Variants in CPAMD8 observed in about 807,000 individuals in gnomAD.
CPAMD8 encodes the protein C3 and PZP-like alpha-2-macroglobulin domain-containing protein 8.
Under a neutral mutation model 224.7 loss-of-function variants are expected in CPAMD8, and 146 were observed. That is an observed-to-expected ratio of 0.65 (90% CI 0.57 to 0.75). CPAMD8 has a LOEUF of 0.75. CPAMD8 is among the 30% of genes least tolerant of loss of function. CPAMD8 has a pLI of 0.00. For missense variants in CPAMD8, 2,301 were observed against 2,537.5 expected (o/e 0.91, Z 2.00); for synonymous variants, 966 against 1,044.6 (o/e 0.92, Z 1.45).
intron 15 of CPAMD8, among the ~76,000 whole-genome samples, chr19:16,976,909 G>T (rs1262693130): frequency 6.6e-6 from 1 of 152,150 alleles, no homozygotes. Context: ...AGACATGGTG[G>T]CACATGCCTG....
intron 25 of CPAMD8, among the ~76,000 whole-genome samples, chr19:16,926,624 C>T (rs982750824): frequency 3.3e-5 from 5 of 152,154 alleles, no homozygotes; most frequent in African/African-American, 1.2e-4. Flanking sequence ...CCCCTTCTTT[C>T]TTTCTTTAGC....
intron 7 of CPAMD8, among the ~76,000 whole-genome samples, chr19:17,007,062 G>C (rs1015032967): frequency 6.6e-6 from 1 of 152,188 alleles, no homozygotes; most frequent in Non-Finnish European, 1.5e-5. Flanking sequence ...GCCAGGCACG[G>C]TGGCTCATGC....
chr19:16,982,803 C>T (rs976818890), intron 13 of CPAMD8, among the ~76,000 whole-genome samples: 5 of 152,154 alleles, frequency 3.3e-5, no homozygotes, highest in Admixed American at 2.6e-4. Flanking sequence ...TGTGCCACCA[C>T]CCTCCAGCCT....
At chr19:17,011,186 G>A (rs1480121523) in intron 5 of CPAMD8, among the ~76,000 whole-genome samples, 1 of 151,998 alleles carries the variant, frequency 6.6e-6, no homozygotes, top group Non-Finnish European at 1.5e-5. Context: ...TAGAGCGAGA[G>A]ACTCGGTCTT....
intron 22 of CPAMD8, among the ~76,000 whole-genome samples, chr19:16,943,021 T>C (rs1440557963): frequency 6.7e-6 from 1 of 150,250 alleles, no homozygotes; most frequent in Non-Finnish European, 1.5e-5. Flanking sequence ...CTTTTTTTTT[T>C]TTTTGAGACA....
chr19:16,997,468 A>G, intron 10 of CPAMD8, 130 bp from the exon 11 acceptor site: 1 of 664,014 alleles, frequency 1.5e-6, no homozygotes, highest in South Asian at 1.7e-5. Context: ...TTGGTGGCAT[A>G]CCCAATCTAT....
chr19:16,997,192 G>A lies in CPAMD8; in HGVS notation c.1014C>T (p.Pro338=), dbSNP rs771180305. 125 of 1,586,112 alleles carry A rather than the reference G, an allele frequency of 7.9e-5. 1 individual carries two copies. Among genetic ancestry groups the A allele is most frequent in the South Asian group, 1.9e-4 (17 of 90,500 alleles). Reference sequence around the variant, plus strand: ...GGATGTCCACCAGCTGCCTCTGCACGGGGGTGGAGTCATCGAACGCGACCT... The same window carrying A: ...GGATGTCCACCAGCTGCCTCTGCACAGGGGTGGAGTCATCGAACGCGACCT... ...SQQVAFDDST[P]VQRQLVDIRY... is the part of the protein sequence containing the mutation. Residue 338 remains proline (P), a synonymous_variant, in exon 11 of 42, where the codon CCC becomes CCT. Transcript: ENST00000443236.
chr19:16,977,282 A>G, intron 15 of CPAMD8, 86 bp downstream of exon 15: 1 of 790,166 alleles, frequency 1.3e-6, no homozygotes. Flanking sequence ...CATGAGTCTC[A>G]GGTGTGCACA....
At chr19:16,945,246 G>A (rs1385604029) in intron 22 of CPAMD8, among the ~76,000 whole-genome samples, 2 of 152,184 alleles carry the variant, frequency 1.3e-5, no homozygotes, top group Non-Finnish European at 2.9e-5. Context: ...TGACAAGCAC[G>A]AGATGAGGGA....
intron 19 of CPAMD8, among the ~76,000 whole-genome samples, chr19:16,953,734 A>C (rs1490882868): frequency 1.3e-5 from 2 of 152,050 alleles, no homozygotes; most frequent in African/African-American, 4.8e-5. Flanking sequence ...CATATATCTG[A>C]TAAGGAAATA....
chr19:17,007,389 A>AGAAGGAG (rs780507368), intron 7 of CPAMD8, among the ~76,000 whole-genome samples: 4 of 151,830 alleles, frequency 2.6e-5, no homozygotes, highest in Non-Finnish European at 5.9e-5. Flanking sequence ...AGAAGAAAGA[A>AGAAGGAG]GAAGGAGGAA....
Position 16,896,346 on chromosome 19 carries a change from G to C in CPAMD8, c.5276-20C>G. 1.9e-6 allele frequency: 3 copies of C among 1,586,098 alleles called. No homozygotes were observed. Among genetic ancestry groups the C allele is most frequent in the Non-Finnish European group, 2.6e-6 (3 of 1,165,568 alleles). Reference sequence around the variant, plus strand: ...GCTGCTCTGGAAGGAAGGGGGCCTCGGTCGGGAGGGCGTGGCGGGGAGGGG... The same window carrying C: ...GCTGCTCTGGAAGGAAGGGGGCCTCCGTCGGGAGGGCGTGGCGGGGAGGGG... On this transcript the variant is annotated intron_variant, in intron 40 of 41. Transcript: ENST00000443236.
intron 23 of CPAMD8, among the ~76,000 whole-genome samples, chr19:16,937,656 T>C (rs1181939754): frequency 6.7e-6 from 1 of 149,792 alleles, no homozygotes; most frequent in East Asian, 1.9e-4. Context: ...CATACTTTTT[T>C]TTTTTTTTTT....
chr19:16,959,840 G>C (rs2122496430), intron 18 of CPAMD8, among the ~76,000 whole-genome samples: 1 of 152,266 alleles, frequency 6.6e-6, no homozygotes, highest in Non-Finnish European at 1.5e-5. Flanking sequence ...CGCCCGGCCT[G>C]CATGTGTATC....
chr19:17,007,062 G>A (rs1015032967), intron 7 of CPAMD8, among the ~76,000 whole-genome samples: 4 of 152,188 alleles, frequency 2.6e-5, no homozygotes, highest in Non-Finnish European at 5.9e-5. Context: ...GCCAGGCACG[G>A]TGGCTCATGC....
rs2056271694 is a variant in CPAMD8 at position 17,000,405 on chromosome 19, G to A, written c.867+9C>T. 8.5e-7 allele frequency: 1 copy of A among 1,181,932 alleles called. No individual in the cohort carries two copies. Among genetic ancestry groups the A allele is most frequent in the Non-Finnish European group, 1.3e-6 (1 of 786,386 alleles). 73.2% of individuals were successfully genotyped at this position (1,181,932 alleles called of 1,614,324 possible). A position where few individuals can be genotyped will look rare whatever the true frequency, so the allele number is the denominator to read the frequency against. ...GGGTCAGGGGGTAGAAGGGGTCCCT[G>A]TTTCTCACCTTGGTTGTTCTGAGGA... On this transcript the variant is annotated intron_variant, in intron 10 of 41. Transcript: ENST00000443236.
chr19:16,915,852 C>G (rs2052933214), intron 27 of CPAMD8, among the ~76,000 whole-genome samples: 1 of 151,522 alleles, frequency 6.6e-6, no homozygotes, highest in Non-Finnish European at 1.5e-5. Flanking sequence ...TTCCTTCCCT[C>G]CCTCCCTCTT....
chr19:16,916,934 G>A (rs184925150), intron 27 of CPAMD8, among the ~76,000 whole-genome samples: 1 of 152,206 alleles, frequency 6.6e-6, no homozygotes, highest in African/African-American at 2.4e-5. Context: ...CTGCAACCAG[G>A]GGGAAACTCC....
At chr19:17,019,583 C>A (rs542421046) in intron 3 of CPAMD8, among the ~76,000 whole-genome samples, 6 of 148,302 alleles carry the variant, frequency 4.0e-5, no homozygotes, top group African/African-American at 1.5e-4. Context: ...TTAAATAGGG[C>A]CTCACTCTGT....
Sources: allele counts gnomAD v4.1 joint callset (sites outside exome capture counted in the v4.1 genomes callset), GRCh38; gene constraint gnomAD v4.1.1; transcripts MANE v1.5; gene names NCBI Gene and HGNC (gene_info 2026-07-23, HGNC 2026-07-21).